Variants in SCN1A observed in about 807,000 individuals in gnomAD.
SCN1A encodes the protein sodium voltage-gated channel alpha subunit 1.
In SCN1A, 13 loss-of-function variants were observed where a neutral mutation model predicts 193.7. The ratio of observed to expected loss-of-function variants is 0.07; its 90% CI spans 0.04 to 0.11. The LOEUF (loss-of-function observed/expected upper bound fraction) is 0.11. Among genes scored for constraint, SCN1A ranks in the 10% least tolerant of loss-of-function variants. The pLI is 1.00. For missense variants in SCN1A, 1,432 were observed against 2,451.1 expected (o/e 0.58, Z 8.78); for synonymous variants, 781 against 843.6 (o/e 0.93, Z 1.29).
In SCN1A at chr2:165,991,060, C is replaced by G. The variant is rs1689061253; in HGVS notation, c.*185G>C. 1.2e-5 allele frequency: 7 copies of G among 601,612 alleles called. No homozygotes were observed. The East Asian group carries it at 2.0e-4, about 17-fold the overall frequency. The allele number at this position is 601,612 out of a possible 1,614,324, so 37.3% of individuals were successfully genotyped here. On this transcript the variant is annotated 3_prime_UTR_variant, in exon 29 of 29. Coordinates refer to ENST00000674923, the MANE Select transcript of SCN1A (RefSeq NM_001165963.4). The stretch of plus-strand genomic sequence containing the variant: ...TAACCTCCTGTCAAGGTCATCTCCC[C>G]TTTACACAGAGTCACAGTTTGCTGA...
At chr2:166,035,256 C>T (rs1170864176) in intron 19 of SCN1A, among the ~76,000 whole-genome samples, 1 of 152,150 alleles carries the variant, frequency 6.6e-6, no homozygotes, top group Admixed American at 6.5e-5. Flanking sequence ...CATAATAACA[C>T]ATTTCTTTCC....
intron 20 of SCN1A, among the ~76,000 whole-genome samples, chr2:166,014,228 A>C (rs2105614572): frequency 6.6e-6 from 1 of 151,798 alleles, no homozygotes; most frequent in South Asian, 2.1e-4. Flanking sequence ...GTCACTCCAG[A>C]AAAGAACTTT....
At chr2:166,048,522 A>C (rs1698121785) in intron 10 of SCN1A, among the ~76,000 whole-genome samples, 1 of 152,154 alleles carries the variant, frequency 6.6e-6, no homozygotes, top group Non-Finnish European at 1.5e-5. Flanking sequence ...ATCCCTGCAA[A>C]GGACATGATC....
chr2:166,048,229 G>A (rs542773235), intron 10 of SCN1A, among the ~76,000 whole-genome samples: 12 of 152,064 alleles, frequency 7.9e-5, no homozygotes, highest in South Asian at 2.1e-4. Context: ...TCAGGGGTAC[G>A]TACATGTACA....
chr2:166,116,043 T>C (rs1285446903), intron 2 of SCN1A, among the ~76,000 whole-genome samples: 2 of 152,252 alleles, frequency 1.3e-5, no homozygotes, highest in African/African-American at 4.8e-5. Context: ...TAGTTCTTTC[T>C]GAAGGACTAA....
Position 166,044,012 on chromosome 2 carries a change from C to T in SCN1A, c.1700G>A (p.Arg567Lys), listed in dbSNP as rs1176739172. 1 of 1,614,134 alleles carries T rather than the reference C, an allele frequency of 6.2e-7. No homozygotes were observed. The highest frequency in any genetic ancestry group is 8.5e-7 in the Non-Finnish European group (1 of 1,180,024). ...LSIRGSLFSP[R>K]RNSRTSLFSF... Reference sequence around the variant, plus strand: ...GAAAAGGCTTGTTCTGCTATTTCGCCTTGGTGAAAATAGGGAGCCACGGAT... The same window carrying T: ...GAAAAGGCTTGTTCTGCTATTTCGCTTTGGTGAAAATAGGGAGCCACGGAT... The change falls in exon 14 of 29, where the codon AGG (arginine) becomes AAG (lysine). Residue 567 changes from arginine to lysine, a missense_variant. Arg to Lys is a conservative substitution (Grantham distance 26). Around this residue, in one of 18 missense-constraint regions of SCN1A, gnomAD observed 316 missense variants for 362.1 expected, o/e 0.87. Transcript: ENST00000674923.
At chr2:166,099,489 A>G (rs1406048279) in intron 2 of SCN1A, among the ~76,000 whole-genome samples, 35 of 147,364 alleles carry the variant, frequency 2.4e-4, no homozygotes, top group Non-Finnish European at 4.0e-4. Context: ...CCTATTCAAC[A>G]TAGTGTTGGA....
At chr2:166,049,098 C>G in intron 9 of SCN1A, 149 bp from the exon 10 acceptor site, 1 of 642,136 alleles carries the variant, frequency 1.6e-6, no homozygotes, top group South Asian at 1.8e-5. Flanking sequence ...TCTCTTCTCC[C>G]TCTAAATTCT....
intron 26 of SCN1A, among the ~76,000 whole-genome samples, chr2:165,996,770 G>A (rs1485901200): frequency 6.6e-6 from 1 of 151,220 alleles, no homozygotes; most frequent in African/African-American, 2.4e-5. Context: ...GGGAATTGAG[G>A]GGAGAATGTT....
intron 5 of SCN1A, among the ~76,000 whole-genome samples, chr2:166,058,238 C>T (rs1389482475): frequency 6.6e-6 from 1 of 151,946 alleles, no homozygotes; most frequent in Non-Finnish European, 1.5e-5. Context: ...AATTCTACAC[C>T]ATCACAAACT....
chr2:166,071,251 GT>G (rs1380991780), intron 4 of SCN1A, among the ~76,000 whole-genome samples: 2 of 152,142 alleles, frequency 1.3e-5, no homozygotes, highest in African/African-American at 4.8e-5. Context: ...AGTTTGTTTA[GT>G]TTGGGCTTTG....
At chr2:166,029,466 G>A (rs946132155) in intron 19 of SCN1A, among the ~76,000 whole-genome samples, 4 of 152,112 alleles carry the variant, frequency 2.6e-5, no homozygotes, top group African/African-American at 7.2e-5. Context: ...GGGTTCCATG[G>A]ATAGTACTCT....
Position 166,088,811 on chromosome 2 carries a change from G to A in SCN1A, c.-141-11010C>T, listed in dbSNP as rs79365633. Among the ~76,000 whole-genome samples the A allele has an allele frequency of 2.6e-5, 4 of 152,172 alleles. No individual in the cohort carries two copies. In the East Asian group the frequency reaches 7.7e-4, roughly 29 times the overall value. ...TGTTGTTCTCTAGGTAGAGTGTTGC[G>A]TAAAGGAAACAGTGATGTCCAAAGG... On this transcript the variant is annotated intron_variant, in intron 2 of 28. Transcript: ENST00000674923.
intron 2 of SCN1A, among the ~76,000 whole-genome samples, chr2:166,124,554 C>G (rs181696922): frequency 0.012 from 1,806 of 152,112 alleles, 21 homozygotes; most frequent in Non-Finnish European, 0.017. Context: ...CTCAAAAAAA[C>G]AACAAACAAA....
At chr2:165,999,665 AT>A in intron 25 of SCN1A, 57 bp downstream of exon 25, 1 of 1,235,802 alleles carries the variant, frequency 8.1e-7, no homozygotes, top group South Asian at 1.2e-5. Flanking sequence ...GCTTTATTCG[AT>A]TAATTTTACC....
intron 18 of SCN1A, among the ~76,000 whole-genome samples, chr2:166,037,019 A>T (rs74619084): frequency 6.6e-6 from 1 of 152,190 alleles, no homozygotes; most frequent in East Asian, 1.9e-4. Context: ...TTAATCTATT[A>T]TATTTCTCAT....
At chr2:166,033,202 G>A (rs1397139658) in intron 19 of SCN1A, among the ~76,000 whole-genome samples, 3 of 152,144 alleles carry the variant, frequency 2.0e-5, no homozygotes, top group African/African-American at 7.2e-5. Flanking sequence ...AATCTGTTCT[G>A]CCTAGGGTTA....
At chr2:166,079,302 A>T (rs1401070018) in intron 2 of SCN1A, among the ~76,000 whole-genome samples, 1 of 150,842 alleles carries the variant, frequency 6.6e-6, no homozygotes, top group Non-Finnish European at 1.5e-5. Context: ...AACACTTATG[A>T]TCAGATCTTT....
At chr2:166,048,078 T>C (rs538393207) in intron 10 of SCN1A, among the ~76,000 whole-genome samples, 2 of 149,860 alleles carry the variant, frequency 1.3e-5, no homozygotes, top group African/African-American at 4.9e-5. Context: ...TCAATATACT[T>C]ATCTAAAAGA....
Sources: gnomAD v4.1 joint callset for allele counts (sites outside exome capture counted in the v4.1 genomes callset) on GRCh38, gnomAD v4.1.1 for gene constraint, gnomAD v4.1.1 regional missense constraint, MANE v1.5 for transcripts, NCBI Gene and HGNC (gene_info 2026-07-23, HGNC 2026-07-21) for gene names.